Variants in REXO5 observed in about 807,000 individuals in gnomAD.
REXO5 encodes exonuclease NEF-sp.
In REXO5, 48 loss-of-function variants were observed where a neutral mutation model predicts 88.5. The ratio of observed to expected loss-of-function variants is 0.54; its 90% confidence interval spans 0.43 to 0.69. The LOEUF (loss-of-function observed/expected upper bound fraction) is 0.69, where lower values mean the gene tolerates loss of function less well. REXO5 is among the 30% of genes least tolerant of loss of function. The pLI, the probability that REXO5 is intolerant of heterozygous loss-of-function variation, is 0.00. For missense variants in REXO5, 749 were observed against 912.2 expected (o/e 0.82, Z 2.30); for synonymous variants, 311 against 336.5 (o/e 0.92, Z 0.83).
intron 11 of REXO5, among the ~76,000 whole-genome samples, chr16:20,830,207 G>A (rs1026713214): frequency 5.3e-5 from 8 of 151,840 alleles, no homozygotes; most frequent in African/African-American, 1.9e-4. Flanking sequence ...TTTTTTTTGA[G>A]ACAGAGTCTC....
intron 5 of REXO5, 84 bp downstream of exon 5, chr16:20,816,296 C>G (rs912723763): frequency 8.9e-7 from 1 of 1,127,336 alleles, no homozygotes; most frequent in Non-Finnish European, 1.3e-6. Context: ...CAACAAAACT[C>G]AATTCTAACT....
chr16:20,835,121 G>T (rs2081406226), intron 13 of REXO5, among the ~76,000 whole-genome samples: 1 of 151,986 alleles, frequency 6.6e-6, no homozygotes, highest in Non-Finnish European at 1.5e-5. Context: ...GAAACACTTT[G>T]GTCCTTTTGG....
chr16:20,814,531 C>T lies in REXO5; in HGVS notation c.252-396C>T, dbSNP rs560524722. ...TGCTGGGATTACAGGCGTGAGTCACCGTGCCCAGCGAAAACTGAATTTCTT... is the reference window on the plus strand; with the variant it reads ...TGCTGGGATTACAGGCGTGAGTCACTGTGCCCAGCGAAAACTGAATTTCTT... On this transcript the variant is annotated intron_variant, in intron 3 of 19. Coordinates refer to ENST00000261377, the MANE Select transcript of REXO5 (RefSeq NM_030941.3). Among the ~76,000 whole-genome samples the T allele has an allele frequency of 2.1e-3, 325 of 152,184 alleles. 1 individual carries two copies. Among genetic ancestry groups the T allele is most frequent in the Admixed American group, 5.7e-3 (87 of 15,284 alleles).
intron 12 of REXO5, 49 bp from the exon 13 acceptor site, chr16:20,832,954 G>A (rs2081369232): frequency 6.4e-7 from 1 of 1,562,372 alleles, no homozygotes; most frequent in African/African-American, 1.4e-5. Flanking sequence ...ATAACTGTCA[G>A]GTTCTGGAAA....
intron 14 of REXO5, 107 bp from the exon 15 acceptor site, chr16:20,840,224 T>TTC: frequency 1.0e-6 from 1 of 975,634 alleles, no homozygotes; most frequent in Non-Finnish European, 1.4e-6. Flanking sequence ...ATTTGGCAAG[T>TTC]ATTTATATCA....
At chr16:20,822,002 A>C in intron 6 of REXO5, 100 bp downstream of exon 6, 1 of 1,237,362 alleles carries the variant, frequency 8.1e-7, no homozygotes, top group South Asian at 1.8e-5. Flanking sequence ...CTGTTTTCTG[A>C]GTGGCTTATT....
In REXO5 at chr16:20,845,089, A is replaced by T. The variant is rs2081586263; in HGVS notation, c.1972A>T (p.Asn658Tyr). The change falls in exon 18 of 20, where the codon AAC becomes TAC. Residue 658 changes from asparagine to tyrosine, a missense_variant. Physicochemically the swap from Asn to Tyr is moderately radical, Grantham distance 143. Transcript: ENST00000261377. ...KSFGSAQQALNILTGKDWKLK... is the reference protein window; with the variant it reads ...KSFGSAQQALYILTGKDWKLK... ...TTTTGGCAGTGCCCAGCAGGCCCTCAACATTCTCACAGGCAAGGACTGGAA... is the reference window on the plus strand; with the variant it reads ...TTTTGGCAGTGCCCAGCAGGCCCTCTACATTCTCACAGGCAAGGACTGGAA... 6.2e-7 allele frequency: 1 copy of T among 1,614,126 alleles called. No individual in the cohort carries two copies. Among genetic ancestry groups the T allele is most frequent in the Middle Eastern group, 1.7e-4 (1 of 6,058 alleles).
intron 7 of REXO5, 123 bp from the exon 8 acceptor site, chr16:20,825,710 G>C: frequency 1.5e-6 from 1 of 659,950 alleles, no homozygotes; most frequent in Non-Finnish European, 2.6e-6. Flanking sequence ...TAGAAAGCAA[G>C]TTTGTGCCAT....
At chr16:20,830,119 C>A (rs549909697) in intron 11 of REXO5, among the ~76,000 whole-genome samples, 1 of 152,230 alleles carries the variant, frequency 6.6e-6, no homozygotes, top group African/African-American at 2.4e-5. Flanking sequence ...ATATTGTTAC[C>A]CACACAATGG....
chr16:20,815,778 CGTGTGATACCATCT>C (rs2081072925), intron 4 of REXO5, among the ~76,000 whole-genome samples: 1 of 152,130 alleles, frequency 6.6e-6, no homozygotes, highest in South Asian at 2.1e-4. Context: ...ACCTTTTTGC[CGTGTGATACCATCT>C]ATTCTGATGG....
chr16:20,806,664 G>T lies in REXO5; in HGVS notation c.-44G>T. The T allele has an allele frequency of 9.0e-7, 1 of 1,113,272 alleles. No homozygotes were observed. Among genetic ancestry groups the T allele is most frequent in the Non-Finnish European group, 1.2e-6 (1 of 808,684 alleles). 69.0% of individuals were successfully genotyped at this position (1,113,272 alleles called of 1,614,324 possible). ...CGGCAGCACCTTCCTTCTTTGCCAG[G>T]CAGACGCCCGTTGTAGCCGTTGGGG... On this transcript the variant is annotated 5_prime_UTR_variant, in exon 1 of 20. Transcript: ENST00000261377.
At chr16:20,846,917 T>C (rs2081615738) in intron 19 of REXO5, among the ~76,000 whole-genome samples, 2 of 152,228 alleles carry the variant, frequency 1.3e-5, no homozygotes. Flanking sequence ...TCAGTTGATT[T>C]TCAAACCCTT....
Position 20,844,862 on chromosome 16 carries a change from G to T in REXO5, c.1936+17G>T. 6.3e-7 allele frequency: 1 copy of T among 1,597,526 alleles called. No individual in the cohort carries two copies. The highest frequency in any genetic ancestry group is 1.1e-5 in the South Asian group (1 of 90,770). On this transcript the variant is annotated intron_variant, in intron 17 of 19. Transcript: ENST00000261377. ...GTTTCCTGAGTAAGTCTATGCTACT[G>T]AATGTAGCTTTGGGGAAGGAAACTG...
At chr16:20,816,001 T>C in intron 4 of REXO5, 115 bp from the exon 5 acceptor site, 1 of 773,732 alleles carries the variant, frequency 1.3e-6, no homozygotes, top group Non-Finnish European at 2.1e-6. Flanking sequence ...TTTAAAATGC[T>C]AACAATTACT....
Position 20,845,220 on chromosome 16 carries a change from C to T in REXO5, c.2103C>T (p.Pro701=), listed in dbSNP as rs1390610861. 2.5e-6 allele frequency: 4 copies of T among 1,613,098 alleles called. No individual in the cohort carries two copies. Among genetic ancestry groups the T allele is most frequent in the Non-Finnish European group, 3.4e-6 (4 of 1,179,636 alleles). The change falls in exon 18 of 20, where the codon CCC becomes CCT. Residue 701 remains proline (P), a synonymous_variant. Coordinates refer to ENST00000261377, the MANE Select transcript of REXO5 (RefSeq NM_030941.3). The stretch of plus-strand genomic sequence containing the variant: ...CAGGGCTTCGTGTTGTACCTCCCCC[C>T]TTTGAACAGGAGGCCTTGCAGGTGA... ...RLPGLRVVPP[P]FEQEALQTLK...
intron 3 of REXO5, among the ~76,000 whole-genome samples, chr16:20,813,983 T>C (rs1004502986): frequency 6.6e-6 from 1 of 152,166 alleles, no homozygotes; most frequent in African/African-American, 2.4e-5. Context: ...ATGCAAATAA[T>C]ACACACGTCT....
Position 20,843,936 on chromosome 16 carries a change from T to A in REXO5, c.1629T>A (p.Pro543=). The A allele has an allele frequency of 6.3e-7, 1 of 1,597,982 alleles. No homozygotes were observed. Among genetic ancestry groups the A allele is most frequent in the Non-Finnish European group, 8.6e-7 (1 of 1,167,654 alleles). Reference sequence around the variant, plus strand: ...AGGAAATCTTGGTCTTTCTGCAGCCTCATCTCTGTATACAGTATGAAGTCC... The same window carrying A: ...AGGAAATCTTGGTCTTTCTGCAGCCACATCTCTGTATACAGTATGAAGTCC... ...SMTFVLETRQ[P]HLCIQYEVLE... is the part of the protein sequence containing the mutation. Residue 543 remains proline (P), a splice_region_variant and synonymous_variant, in exon 16 of 20, where the codon CCT becomes CCA. Coordinates refer to ENST00000261377, the MANE Select transcript of REXO5 (RefSeq NM_030941.3).
chr16:20,826,533 A>T (rs566508115), intron 8 of REXO5, among the ~76,000 whole-genome samples: 2 of 152,228 alleles, frequency 1.3e-5, no homozygotes, highest in Non-Finnish European at 2.9e-5. Flanking sequence ...AGTGATAAAT[A>T]CTGTCCTATT....
intron 6 of REXO5, among the ~76,000 whole-genome samples, chr16:20,823,229 G>A (rs2081211738): frequency 6.6e-6 from 1 of 152,134 alleles, no homozygotes; most frequent in African/African-American, 2.4e-5. Context: ...AAATTGGGCT[G>A]TATTTTATCA....
Sources: allele counts gnomAD v4.1 joint callset (sites outside exome capture counted in the v4.1 genomes callset), GRCh38; gene constraint gnomAD v4.1.1; transcripts MANE v1.5; gene names NCBI Gene and HGNC (gene_info 2026-07-23, HGNC 2026-07-21).